ADGRL2: variants seen among roughly 807,000 people sequenced by gnomAD.
ADGRL2 encodes calcium-independent alpha-latrotoxin receptor 2.
Under a neutral mutation model 157.4 loss-of-function variants are expected in ADGRL2, and 44 were observed. The ratio of observed to expected loss-of-function variants is 0.28; its 90% CI spans 0.22 to 0.36. ADGRL2 has a LOEUF of 0.36. Ranked by LOEUF, ADGRL2 falls within the 10% of genes least tolerant of loss-of-function variation. ADGRL2 has a pLI of 1.00. For synonymous variants in ADGRL2, 585 were observed against 624.7 expected (o/e 0.94, Z 0.95); for missense variants, 1,510 against 1,768.9 (o/e 0.85, Z 2.63).
chr1:81,440,356 C>T (rs765813009), intron 1 of ADGRL2, among the ~76,000 whole-genome samples: 12 of 152,262 alleles, frequency 7.9e-5, no homozygotes, highest in Admixed American at 1.3e-4. Context: ...ATAAATTAGC[C>T]GCTGTGAAGT....
intron 1 of ADGRL2, among the ~76,000 whole-genome samples, chr1:81,423,701 T>C (rs1485507145): frequency 1.3e-5 from 2 of 152,198 alleles, no homozygotes; most frequent in Non-Finnish European, 2.9e-5. Flanking sequence ...ATAATGAAGA[T>C]AGAAGCTTCA....
chr1:81,478,696 T>A (rs4450056), intron 2 of ADGRL2, among the ~76,000 whole-genome samples: 2,535 of 152,304 alleles, frequency 0.017, 71 homozygotes, highest in East Asian at 0.13. Context: ...TTCTTAATGC[T>A]ATTCACATTA....
Position 81,817,195 on chromosome 1 carries a change from A to G in ADGRL2, c.-101+16127A>G, listed in dbSNP as rs541535922. ...TGTAGCATACAATCAAAAATTGGTAAAATTTAAGTGTCAAATTCCTAGTTA... is the reference window on the plus strand; with the variant it reads ...TGTAGCATACAATCAAAAATTGGTAGAATTTAAGTGTCAAATTCCTAGTTA... On this transcript the variant is annotated intron_variant, in intron 1 of 23. Coordinates refer to ENST00000686636, the MANE Select transcript of ADGRL2 (RefSeq NM_001366006.2). Among the ~76,000 whole-genome samples the G allele has an allele frequency of 5.3e-5, 8 of 152,048 alleles. No individual in the cohort carries two copies. The South Asian group carries it at 1.7e-3, about 32-fold the overall frequency.
Position 81,754,888 on chromosome 1 carries a change from C to T in ADGRL2, c.-142-6923C>T, listed in dbSNP as rs150769091. ...TTATTATGAGCATTTAATGAGACAA[C>T]GCATGTTAATTGCTTAAATTTGTAC... is the stretch of plus-strand genomic sequence containing the variant. On this transcript the variant is annotated intron_variant, in intron 1 of 20. Transcript: ENST00000359929. Among the ~76,000 whole-genome samples the T allele has an allele frequency of 3.2e-3, 490 of 151,766 alleles. 7 individuals are homozygous for T. In the South Asian group the frequency reaches 0.042, roughly 13 times the overall value.
intron 1 of ADGRL2, among the ~76,000 whole-genome samples, chr1:81,758,354 G>A (rs961056976): frequency 6.6e-6 from 1 of 152,080 alleles, no homozygotes; most frequent in African/African-American, 2.4e-5. Context: ...ACTGAAAGGG[G>A]AACTCATTCC....
chr1:81,863,491 C>T (rs1170996818), intron 2 of ADGRL2, among the ~76,000 whole-genome samples: 2 of 152,182 alleles, frequency 1.3e-5, no homozygotes, highest in East Asian at 3.9e-4. Context: ...CATTATCCTA[C>T]ACCCCTAACT....
At chr1:81,955,832 T>C in intron 10 of ADGRL2, 45 bp from the exon 11 acceptor site, 1 of 1,318,096 alleles carries the variant, frequency 7.6e-7, no homozygotes, top group South Asian at 1.5e-5. Flanking sequence ...ATCACTTTGG[T>C]TCTAAAAGCG....
chr1:81,599,480 A>C (rs1416687491), intron 3 of ADGRL2, among the ~76,000 whole-genome samples: 2 of 152,202 alleles, frequency 1.3e-5, no homozygotes, highest in Non-Finnish European at 2.9e-5. Context: ...CCTATTCAAC[A>C]GTCTCCTCAA....
chr1:81,636,898 C>T (rs755359184), intron 3 of ADGRL2, among the ~76,000 whole-genome samples: 23 of 152,234 alleles, frequency 1.5e-4, no homozygotes, highest in Non-Finnish European at 2.5e-4. Context: ...TGCAGTGGCG[C>T]GATCTTAGCT....
chr1:81,875,902 T>G (rs1557825810), intron 2 of ADGRL2, among the ~76,000 whole-genome samples: 1 of 152,188 alleles, frequency 6.6e-6, no homozygotes, highest in Non-Finnish European at 1.5e-5. Flanking sequence ...CACTTGAACT[T>G]TCTCCCTTGT....
chr1:81,599,890 C>T (rs1287352709), intron 3 of ADGRL2, among the ~76,000 whole-genome samples: 1 of 152,138 alleles, frequency 6.6e-6, no homozygotes, highest in Non-Finnish European at 1.5e-5. Context: ...AGTTTTGAGA[C>T]TCCATATGAA....
At chr1:81,984,856 G>A (rs1662701548) in intron 20 of ADGRL2, 145 bp downstream of exon 20, 3 of 883,620 alleles carry the variant, frequency 3.4e-6, no homozygotes, top group Non-Finnish European at 5.1e-6. Flanking sequence ...TGGTTTCAAT[G>A]TCTTCTTAAA....
chr1:81,561,416 T>G (rs576874407), intron 2 of ADGRL2, among the ~76,000 whole-genome samples: 1 of 150,536 alleles, frequency 6.6e-6, no homozygotes, highest in Non-Finnish European at 1.5e-5. Flanking sequence ...TTCTTTCAAT[T>G]TTTTGTTTTG....
At chr1:81,651,845 T>G (rs1050305870) in intron 3 of ADGRL2, among the ~76,000 whole-genome samples, 1 of 152,110 alleles carries the variant, frequency 6.6e-6, no homozygotes, top group Non-Finnish European at 1.5e-5. Flanking sequence ...GCAATCCTTT[T>G]GCATAGCTAG....
intron 3 of ADGRL2, among the ~76,000 whole-genome samples, chr1:81,631,390 T>C (rs2082007776): frequency 6.6e-6 from 1 of 152,040 alleles, no homozygotes; most frequent in African/African-American, 2.4e-5. Flanking sequence ...TTAAGTTTGG[T>C]ATTTTTAGTA....
intron 4 of ADGRL2, among the ~76,000 whole-genome samples, 162 bp from the exon 5 acceptor site, chr1:81,941,872 T>C (rs762344843): frequency 1.3e-5 from 2 of 151,956 alleles, no homozygotes; most frequent in Non-Finnish European, 2.9e-5. Context: ...TAGGTTTTCC[T>C]GTTGTGTGTT....
At chr1:81,868,620 A>G (rs987033476) in intron 2 of ADGRL2, among the ~76,000 whole-genome samples, 1 of 151,988 alleles carries the variant, frequency 6.6e-6, no homozygotes, top group Non-Finnish European at 1.5e-5. Context: ...TCTTATGATA[A>G]CTTCTTTTTT....
chr1:81,905,038 T>C (rs1191214362), intron 2 of ADGRL2, among the ~76,000 whole-genome samples: 1 of 152,118 alleles, frequency 6.6e-6, no homozygotes, highest in African/African-American at 2.4e-5. Context: ...GTAGATTCTG[T>C]ATTGGCAATC....
chr1:81,307,646 A>G (rs1659438064), intron 1 of ADGRL2, among the ~76,000 whole-genome samples: 1 of 152,184 alleles, frequency 6.6e-6, no homozygotes, highest in African/African-American at 2.4e-5. Flanking sequence ...AGCAGTAAAC[A>G]AAGTTGACAG....
Sources: allele counts gnomAD v4.1 joint callset (sites outside exome capture counted in the v4.1 genomes callset), GRCh38; gene constraint gnomAD v4.1.1; transcripts MANE v1.5; gene names NCBI Gene and HGNC (gene_info 2026-07-23, HGNC 2026-07-21).